The following PDE4D variants were observed in gnomAD, a reference collection of about 807,000 sequenced individuals.
PDE4D encodes the protein phosphodiesterase 4D.
PDE4D carries 24 observed loss-of-function variants against 87.4 expected under a neutral mutation model. The observed-to-expected ratio is 0.27, with a 90% CI of 0.20 to 0.39. PDE4D has a LOEUF of 0.39. PDE4D is among the 10% of genes least tolerant of loss of function. The pLI is 1.00. For synonymous variants in PDE4D, 384 were observed against 383.2 expected (o/e 1.00, Z -0.02); for missense variants, 714 against 1,041.0 (o/e 0.69, Z 4.32).
chr5:60,395,901 C>T (rs1331028464), intron 1 of PDE4D, among the ~76,000 whole-genome samples: 1 of 152,130 alleles, frequency 6.6e-6, no homozygotes, highest in Admixed American at 6.6e-5. Context: ...CTGCCCATTA[C>T]CACCACCAGG....
intron 1 of PDE4D, among the ~76,000 whole-genome samples, chr5:59,524,518 A>G (rs775252787): frequency 5.3e-5 from 8 of 152,204 alleles, no homozygotes; most frequent in Non-Finnish European, 1.2e-4. Flanking sequence ...TAAAAGTTTG[A>G]GAAATTTGCA....
intron 1 of PDE4D, among the ~76,000 whole-genome samples, chr5:60,253,522 A>T (rs10052664): frequency 6.6e-6 from 1 of 151,848 alleles, no homozygotes; most frequent in Non-Finnish European, 1.5e-5. Flanking sequence ...TGATGAATTG[A>T]AAGGTGTTCC....
At chr5:60,426,420 T>A (rs182749609) in intron 1 of PDE4D, among the ~76,000 whole-genome samples, 4 of 152,186 alleles carry the variant, frequency 2.6e-5, no homozygotes, top group Non-Finnish European at 5.9e-5. Context: ...CTCAGCAAAC[T>A]ATCACAATGA....
intron 1 of PDE4D, among the ~76,000 whole-genome samples, chr5:59,310,645 T>C (rs974090040): frequency 6.6e-6 from 1 of 152,208 alleles, no homozygotes; most frequent in South Asian, 2.1e-4. Flanking sequence ...ATAGGCAATG[T>C]CCTCTTAGGT....
At chr5:59,674,636 A>G (rs1002496726) in intron 1 of PDE4D, among the ~76,000 whole-genome samples, 3 of 152,150 alleles carry the variant, frequency 2.0e-5, no homozygotes, top group Non-Finnish European at 2.9e-5. Context: ...CCATGTCCAA[A>G]TGGCTTTCTT....
intron 3 of PDE4D, among the ~76,000 whole-genome samples, chr5:59,972,691 C>CT (rs1222256601): frequency 1.3e-5 from 2 of 152,188 alleles, no homozygotes; most frequent in Non-Finnish European, 2.9e-5. Context: ...TTCAATAAGA[C>CT]TAACAGTTCA....
rs971719870 is a variant in PDE4D at position 59,064,059 on chromosome 5, T to TA, written c.809-25089dup. 1.5e-4 allele frequency among the ~76,000 whole-genome samples: 22 copies of TA among 150,870 alleles called. No individual in the cohort carries two copies. In the East Asian group the frequency reaches 1.6e-3, roughly 11 times the overall value. On this transcript the variant is annotated intron_variant, in intron 5 of 14. Coordinates refer to ENST00000340635, the MANE Select transcript of PDE4D (RefSeq NM_001104631.2). ...GTCATTGTTGCTGTTGTTATTAAGT[T>TA]AAAAAAAATGAGAAAAAAATATACT...
At chr5:59,684,405 G>T (rs1363278950) in intron 1 of PDE4D, among the ~76,000 whole-genome samples, 2 of 151,776 alleles carry the variant, frequency 1.3e-5, no homozygotes, top group Non-Finnish European at 2.9e-5. Flanking sequence ...CCATTTTTTT[G>T]AATAAATGGA....
At chr5:60,414,258 G>T (rs1742295740) in intron 1 of PDE4D, among the ~76,000 whole-genome samples, 1 of 151,798 alleles carries the variant, frequency 6.6e-6, no homozygotes, top group African/African-American at 2.4e-5. Flanking sequence ...TATTCTTTAG[G>T]TAGTTTTTAT....
intron 2 of PDE4D, among the ~76,000 whole-genome samples, chr5:60,031,761 A>C (rs1435888638): frequency 6.6e-6 from 1 of 152,182 alleles, no homozygotes; most frequent in Non-Finnish European, 1.5e-5. Context: ...GTCTTATAAT[A>C]AGAGAAAGAG....
chr5:60,352,193 A>G lies in PDE4D; in HGVS notation c.-90+135749T>C, dbSNP rs111420242. ...CACACCTCCACCTTAACCAATACAT[A>G]CCATTCTCCCTGATAATACAAATTT... is the stretch of plus-strand genomic sequence containing the variant. On this transcript the variant is annotated intron_variant, in intron 1 of 16. Coordinates refer to the PDE4D transcript ENST00000502484. Among the ~76,000 whole-genome samples the G allele has an allele frequency of 2.2e-3, 342 of 152,164 alleles. 2 individuals are homozygous for G. Among genetic ancestry groups the G allele is most frequent in the African/African-American group, 8.0e-3 (332 of 41,520 alleles).
Position 59,648,720 on chromosome 5 carries a change from C to CA in PDE4D, c.455+244447dup, listed in dbSNP as rs34222734. On this transcript the variant is annotated intron_variant, in intron 1 of 14. Transcript: ENST00000340635. ...TTGAAGTAATTTAGGCATCTAACCT[C>CA]AAAAAAAAAAAAAAATAAGGTTTAA... 4.8e-3 allele frequency among the ~76,000 whole-genome samples: 678 copies of CA among 140,694 alleles called. 2 individuals are homozygous for CA. The highest frequency in any genetic ancestry group is 0.012 in the African/African-American group (466 of 37,752). The allele number at this position is 140,694 out of a possible 152,430, so 92.3% of individuals were successfully genotyped here.
At chr5:60,246,460 C>T (rs1324582206) in intron 1 of PDE4D, among the ~76,000 whole-genome samples, 5 of 151,698 alleles carry the variant, frequency 3.3e-5, no homozygotes, top group Non-Finnish European at 5.9e-5. Context: ...TGTCTCTTAA[C>T]TTCTTTTTCA....
intron 1 of PDE4D, among the ~76,000 whole-genome samples, chr5:59,546,029 G>A (rs1013457966): frequency 2.0e-5 from 3 of 151,976 alleles, no homozygotes; most frequent in African/African-American, 7.2e-5. Flanking sequence ...ATTTATACTG[G>A]AATGAACAAT....
intron 2 of PDE4D, among the ~76,000 whole-genome samples, chr5:60,033,817 C>T (rs1464723363): frequency 1.3e-5 from 2 of 152,192 alleles, no homozygotes; most frequent in African/African-American, 4.8e-5. Flanking sequence ...GAAAGTAAAG[C>T]ACCCAGAGAA....
At chr5:59,146,659 T>C (rs978777443) in intron 5 of PDE4D, among the ~76,000 whole-genome samples, 2 of 152,192 alleles carry the variant, frequency 1.3e-5, no homozygotes, top group African/African-American at 4.8e-5. Flanking sequence ...AAGTTCTTCT[T>C]ATTCTGATTC....
intron 2 of PDE4D, among the ~76,000 whole-genome samples, chr5:60,124,791 C>T (rs114902767): frequency 0.025 from 3,777 of 152,194 alleles, 59 homozygotes; most frequent in Non-Finnish European, 0.036. Flanking sequence ...CTTGAATGTA[C>T]TCCTATGTTT....
At chr5:59,251,648 C>T (rs898327806) in intron 1 of PDE4D, among the ~76,000 whole-genome samples, 13 of 152,106 alleles carry the variant, frequency 8.5e-5, no homozygotes, top group Non-Finnish European at 1.9e-4. Context: ...AGCAGAACTA[C>T]CGTTTGACCA....
chr5:59,286,452 T>A (rs1404052837), intron 1 of PDE4D, among the ~76,000 whole-genome samples: 1 of 152,142 alleles, frequency 6.6e-6, no homozygotes, highest in Non-Finnish European at 1.5e-5. Flanking sequence ...ACTAAACAAA[T>A]CGTATTTTAA....
Sources: gnomAD v4.1 joint callset for allele counts (sites outside exome capture counted in the v4.1 genomes callset) on GRCh38, gnomAD v4.1.1 for gene constraint, MANE v1.5 for transcripts, NCBI Gene and HGNC (gene_info 2026-07-23, HGNC 2026-07-21) for gene names.